EXOC6B: variants seen among roughly 807,000 people sequenced by gnomAD.
EXOC6B encodes the protein SEC15 homolog B.
A neutral mutation model predicts 113.5 loss-of-function variants in EXOC6B; 54 were observed. The ratio of observed to expected loss-of-function variants is 0.48; its 90% CI spans 0.38 to 0.60. The LOEUF is 0.60. Among genes scored for constraint, EXOC6B ranks in the 20% least tolerant of loss-of-function variants. The pLI, the probability that EXOC6B is intolerant of heterozygous loss-of-function variation, is 0.00. For missense variants in EXOC6B, 797 were observed against 977.5 expected (o/e 0.82, Z 2.46); for synonymous variants, 357 against 339.0 (o/e 1.05, Z -0.58).
intron 18 of EXOC6B, among the ~76,000 whole-genome samples, chr2:72,381,208 G>A (rs1247778000): frequency 6.6e-6 from 1 of 152,010 alleles, no homozygotes; most frequent in Admixed American, 6.6e-5. Context: ...TATTATGTAG[G>A]TCCTTCTGCA....
At chr2:72,265,569 C>A (rs1050148693) in intron 20 of EXOC6B, among the ~76,000 whole-genome samples, 1 of 151,926 alleles carries the variant, frequency 6.6e-6, no homozygotes, top group African/African-American at 2.4e-5. Context: ...CATGTCCCTA[C>A]AAACGACATG....
intron 10 of EXOC6B, among the ~76,000 whole-genome samples, chr2:72,514,103 C>T (rs1032389193): frequency 1.2e-4 from 19 of 152,002 alleles, no homozygotes; most frequent in African/African-American, 4.8e-5. Context: ...ACTATATAGC[C>T]TATGGGATAA....
intron 6 of EXOC6B, among the ~76,000 whole-genome samples, chr2:72,600,188 C>G (rs574183344): frequency 5.1e-4 from 77 of 152,142 alleles, no homozygotes; most frequent in African/African-American, 1.9e-3. Flanking sequence ...CACGAGTAAT[C>G]CCAGCACTTT....
intron 6 of EXOC6B, among the ~76,000 whole-genome samples, chr2:72,632,577 A>G (rs1573522076): frequency 6.6e-6 from 1 of 152,264 alleles, no homozygotes; most frequent in African/African-American, 2.4e-5. Context: ...GATACATACC[A>G]TAATGACTCT....
intron 20 of EXOC6B, among the ~76,000 whole-genome samples, chr2:72,241,188 C>A (rs1053046672): frequency 3.9e-5 from 6 of 152,106 alleles, no homozygotes; most frequent in Non-Finnish European, 8.8e-5. Context: ...AAGAAAGAAT[C>A]TAAAGGAAAT....
At chr2:72,180,819 T>C (rs867841959) in intron 21 of EXOC6B, among the ~76,000 whole-genome samples, 3 of 152,284 alleles carry the variant, frequency 2.0e-5, no homozygotes, top group Non-Finnish European at 2.9e-5. Context: ...AAATTTACAA[T>C]ATATATATTC....
chr2:72,647,024 G>A (rs1673775880), intron 6 of EXOC6B, among the ~76,000 whole-genome samples: 1 of 152,178 alleles, frequency 6.6e-6, no homozygotes, highest in African/African-American at 2.4e-5. Context: ...TCTGTTTGCA[G>A]ATGACATGAT....
At chr2:72,506,777 T>C (rs2105627220) in intron 11 of EXOC6B, among the ~76,000 whole-genome samples, 1 of 152,248 alleles carries the variant, frequency 6.6e-6, no homozygotes, top group Admixed American at 6.5e-5. Context: ...ATATAATTGG[T>C]TTTCTTCAAA....
chr2:72,810,536 T>A (rs932917956), intron 1 of EXOC6B, among the ~76,000 whole-genome samples: 1 of 151,702 alleles, frequency 6.6e-6, no homozygotes, highest in African/African-American at 2.4e-5. Flanking sequence ...TAATCTATGC[T>A]CCTATACCAC....
At chr2:72,802,658 A>C (rs1685354960) in intron 1 of EXOC6B, among the ~76,000 whole-genome samples, 1 of 152,156 alleles carries the variant, frequency 6.6e-6, no homozygotes, top group South Asian at 2.1e-4. Context: ...TCAAAATCAG[A>C]AAGAAAAGGC....
chr2:72,266,940 G>A (rs998674434), intron 20 of EXOC6B, among the ~76,000 whole-genome samples: 1 of 152,120 alleles, frequency 6.6e-6, no homozygotes, highest in African/African-American at 2.4e-5. Flanking sequence ...ATTGAGCAGT[G>A]GTTTGTAGTT....
intron 6 of EXOC6B, among the ~76,000 whole-genome samples, chr2:72,585,123 C>A (rs566610504): frequency 1.3e-5 from 2 of 152,050 alleles, no homozygotes; most frequent in South Asian, 4.2e-4. Context: ...AACAAACCAA[C>A]CCCAAAACTA....
intron 20 of EXOC6B, among the ~76,000 whole-genome samples, chr2:72,277,503 T>C (rs1349807902): frequency 6.6e-6 from 1 of 152,066 alleles, no homozygotes; most frequent in African/African-American, 2.4e-5. Context: ...GTTTTTTTTT[T>C]TTCTTTTTCT....
intron 1 of EXOC6B, among the ~76,000 whole-genome samples, chr2:72,799,005 A>G (rs1685131421): frequency 6.6e-6 from 1 of 152,090 alleles, no homozygotes; most frequent in Non-Finnish European, 1.5e-5. Flanking sequence ...TTAGGAGGCC[A>G]AGGTAGGTGA....
chr2:72,425,838 T>C (rs1695169994), intron 18 of EXOC6B, among the ~76,000 whole-genome samples: 1 of 152,136 alleles, frequency 6.6e-6, no homozygotes, highest in South Asian at 2.1e-4. Flanking sequence ...TTTTCACCTA[T>C]TTTTCTTCAA....
At chr2:72,448,365 C>T (rs1477226418) in intron 18 of EXOC6B, among the ~76,000 whole-genome samples, 1 of 152,098 alleles carries the variant, frequency 6.6e-6, no homozygotes. Flanking sequence ...AAATGGTATT[C>T]AAGTTAGGTG....
intron 20 of EXOC6B, among the ~76,000 whole-genome samples, chr2:72,270,029 G>C (rs930728054): frequency 1.3e-5 from 2 of 152,094 alleles, no homozygotes; most frequent in Non-Finnish European, 2.9e-5. Flanking sequence ...GGGACAGAAA[G>C]CCTCCCAGAT....
intron 18 of EXOC6B, among the ~76,000 whole-genome samples, chr2:72,443,334 A>AAAG (rs1553410777): frequency 6.6e-6 from 1 of 151,372 alleles, no homozygotes; most frequent in Admixed American, 6.6e-5. Context: ...AAAAAAAAAA[A>AAAG]AAAGAAAGAA....
intron 20 of EXOC6B, among the ~76,000 whole-genome samples, chr2:72,230,245 T>C (rs541603145): frequency 2.0e-5 from 3 of 152,322 alleles, no homozygotes; most frequent in East Asian, 1.9e-4. Context: ...GGGACACTTA[T>C]TAGCATGCTG....
Sources: gnomAD v4.1 joint callset for allele counts (sites outside exome capture counted in the v4.1 genomes callset) on GRCh38, gnomAD v4.1.1 for gene constraint, MANE v1.5 for transcripts, NCBI Gene and HGNC (gene_info 2026-07-23, HGNC 2026-07-21) for gene names.